ATP2C2: variants seen among roughly 807,000 people sequenced by gnomAD.
The protein encoded by ATP2C2 is calcium-transporting ATPase type 2C member 2.
A neutral mutation model predicts 110.8 loss-of-function variants in ATP2C2; 171 were observed. The ratio of observed to expected loss-of-function variants is 1.54; its 90% confidence interval spans 1.36 to 1.75. The LOEUF is 1.75. Ranked by LOEUF, ATP2C2 falls within the 40% of genes most tolerant of loss-of-function variation. The pLI, the probability that ATP2C2 is intolerant of heterozygous loss-of-function variation, is 0.00. For synonymous variants in ATP2C2, 804 were observed against 508.4 expected, an observed-to-expected ratio of 1.58 and a Z score of -7.82; for missense variants, 1,963 against 1,235.0, an observed-to-expected ratio of 1.59 and a Z score of -8.84.
chr16:84,430,063 G>A (rs757193421), intron 11 of ATP2C2, among the ~76,000 whole-genome samples: 3 of 152,140 alleles, frequency 2.0e-5, no homozygotes, highest in African/African-American at 7.2e-5. Context: ...TTGGACTAGG[G>A]TGGATACTCT....
At chr16:84,413,930 C>A (rs1203541837) in intron 6 of ATP2C2, among the ~76,000 whole-genome samples, 1 of 152,142 alleles carries the variant, frequency 6.6e-6, no homozygotes, top group Non-Finnish European at 1.5e-5. Flanking sequence ...ACCTCACATT[C>A]CTACCAAGGG....
At chr16:84,453,293 T>G (rs1182127986) in intron 19 of ATP2C2, 28 bp from the exon 20 acceptor site, 7 of 1,613,934 alleles carry the variant, frequency 4.3e-6, no homozygotes, top group Admixed American at 1.7e-5. Context: ...GAAATCTGAT[T>G]CTTCGTCTTC....
At chr16:84,461,439 A>G (rs1911326849) in intron 24 of ATP2C2, 1 of 566,088 alleles carries the variant, frequency 1.8e-6, no homozygotes, top group East Asian at 3.0e-5. Context: ...ATCACCTCCC[A>G]GGGAGACAGT....
At chr16:84,411,604 G>T (rs1308289425) in intron 6 of ATP2C2, among the ~76,000 whole-genome samples, 1 of 152,096 alleles carries the variant, frequency 6.6e-6, no homozygotes, top group Non-Finnish European at 1.5e-5. Context: ...ACTACACCTG[G>T]CTAATTTTTA....
chr16:84,409,062 A>C (rs2150524406), intron 4 of ATP2C2, among the ~76,000 whole-genome samples: 1 of 151,956 alleles, frequency 6.6e-6, no homozygotes, highest in East Asian at 1.9e-4. Flanking sequence ...GGCAACCACC[A>C]ATCTTTTTCT....
intron 7 of ATP2C2, among the ~76,000 whole-genome samples, chr16:84,418,194 G>A (rs1438924768): frequency 6.6e-6 from 1 of 152,204 alleles, no homozygotes; most frequent in Non-Finnish European, 1.5e-5. Context: ...GGCACCGGGT[G>A]GGCATGAGCC....
At chr16:84,387,213 C>A (rs1233397234) in intron 1 of ATP2C2, among the ~76,000 whole-genome samples, 1 of 152,198 alleles carries the variant, frequency 6.6e-6, no homozygotes, top group Admixed American at 6.5e-5. Flanking sequence ...ATGGTCACAG[C>A]AGTGTCCTAT....
intron 11 of ATP2C2, among the ~76,000 whole-genome samples, chr16:84,431,082 C>G (rs1908237617): frequency 6.6e-6 from 1 of 152,064 alleles, no homozygotes; most frequent in African/African-American, 2.4e-5. Flanking sequence ...TAGATCTCTG[C>G]CCTCCTGGAG....
At chr16:84,397,662 A>AAAAAAAAAAAAAAAAAAAAC (rs1567694759) in intron 1 of ATP2C2, among the ~76,000 whole-genome samples, 1 of 146,616 alleles carries the variant, frequency 6.8e-6, no homozygotes, top group Non-Finnish European at 1.5e-5. Flanking sequence ...TGACAAAAAA[A>AAAAAAAAAAAAAAAAAAAAC]AAAAAAAAAA....
Position 84,426,391 on chromosome 16 carries a change from T to C in ATP2C2, c.986+590T>C, listed in dbSNP as rs539232374. Among the ~76,000 whole-genome samples the C allele has an allele frequency of 1.8e-4, 28 of 152,314 alleles. No homozygotes were observed. In the South Asian group the frequency reaches 5.4e-3, roughly 29 times the overall value. ...CTCCCACCTCCAACACTGGGGCTTATGTTTCAACTTGAGGTTTGAGTTGGG... is the reference window on the plus strand; with the variant it reads ...CTCCCACCTCCAACACTGGGGCTTACGTTTCAACTTGAGGTTTGAGTTGGG... On this transcript the variant is annotated intron_variant, in intron 11 of 26. Transcript: ENST00000262429.
chr16:84,412,316 G>A (rs1158654647), intron 6 of ATP2C2, among the ~76,000 whole-genome samples: 7 of 103,218 alleles, frequency 6.8e-5, no homozygotes, highest in Admixed American at 8.8e-5. Flanking sequence ...ATGTCTGCAC[G>A]TGTGTGTGCG....
chr16:84,450,121 G>A (rs2150580194), intron 17 of ATP2C2, among the ~76,000 whole-genome samples: 1 of 152,390 alleles, frequency 6.6e-6, no homozygotes, highest in South Asian at 2.1e-4. Context: ...CAGTGGCGGA[G>A]GAGCAGTGAG....
intron 2 of ATP2C2, among the ~76,000 whole-genome samples, chr16:84,400,380 G>A (rs1341997867): frequency 2.7e-5 from 4 of 149,664 alleles, no homozygotes; most frequent in Non-Finnish European, 5.9e-5. Context: ...AAGCTGGAGT[G>A]CGGTGGCGCG....
At chr16:84,399,514 T>G (rs577553633) in intron 2 of ATP2C2, among the ~76,000 whole-genome samples, 19 of 152,364 alleles carry the variant, frequency 1.2e-4, no homozygotes, top group African/African-American at 4.3e-4. Context: ...CAACAAAGTT[T>G]CCTTCCATTA....
At chr16:84,455,068 A>G (rs1251845609) in intron 21 of ATP2C2, 84 bp downstream of exon 21, 2 of 1,250,300 alleles carry the variant, frequency 1.6e-6, no homozygotes, top group Middle Eastern at 2.2e-4. Context: ...CTGTGGAGAT[A>G]GAGGGGGGGG....
Position 84,461,710 on chromosome 16 carries a change from C to T in ATP2C2, c.2482-4C>T. 1 of 1,613,596 alleles carries T rather than the reference C, an allele frequency of 6.2e-7. No individual in the cohort carries two copies. The highest frequency in any genetic ancestry group is 8.5e-7 in the Non-Finnish European group (1 of 1,179,478). ...AACCTCTCACCTTTGTGCTCACCTT[C>T]CAGATGCCTGAAGACAGAGCAAGCA... On this transcript the variant is annotated splice_polypyrimidine_tract_variant and splice_region_variant and intron_variant, in intron 24 of 26. Coordinates refer to ENST00000262429, the MANE Select transcript of ATP2C2 (RefSeq NM_014861.4).
intron 11 of ATP2C2, among the ~76,000 whole-genome samples, chr16:84,433,821 C>T (rs1275835263): frequency 6.6e-6 from 1 of 152,128 alleles, no homozygotes; most frequent in African/African-American, 2.4e-5. Flanking sequence ...CTTCTGTGCT[C>T]AAGCCCCAAA....
Position 84,446,428 on chromosome 16 carries a change from G to C in ATP2C2, c.1501G>C (p.Glu501Gln). The C allele has an allele frequency of 1.9e-6, 3 of 1,593,028 alleles. No homozygotes were observed. Among genetic ancestry groups the C allele is most frequent in the Non-Finnish European group, 2.6e-6 (3 of 1,170,134 alleles). ...GGCGGTGAAATGCAGTCTGAAGACT[G>C]AGGTGAGACCTTTCAATCTTCAACC... Reference protein sequence around the residue: ...WMAVKCSLKTEDQEDIYFMKG... With the variant: ...WMAVKCSLKTQDQEDIYFMKG... The change falls in exon 16 of 27, where the codon GAG becomes CAG. Residue 501 changes from glutamate (E) to glutamine (Q), a missense_variant and splice_region_variant. Transcript: ENST00000262429.
intron 16 of ATP2C2, among the ~76,000 whole-genome samples, chr16:84,447,794 TA>T (rs1033567662): frequency 1.1e-4 from 16 of 145,628 alleles, no homozygotes; most frequent in African/African-American, 4.1e-4. Flanking sequence ...TACATATAAA[TA>T]ATATACAATA....
Sources: allele counts gnomAD v4.1 joint callset (sites outside exome capture counted in the v4.1 genomes callset), GRCh38; gene constraint gnomAD v4.1.1; transcripts MANE v1.5; gene names NCBI Gene and HGNC (gene_info 2026-07-23, HGNC 2026-07-21).